The following THOP1 variants were observed in gnomAD, a reference collection of about 807,000 sequenced individuals.
THOP1 encodes thimet oligopeptidase.
A neutral mutation model predicts 71.8 loss-of-function variants in THOP1; 49 were observed. That is an observed-to-expected ratio of 0.68 (90% CI 0.54 to 0.87). The LOEUF is 0.87. Among genes scored for constraint, THOP1 ranks in the 40% least tolerant of loss-of-function variants. THOP1 has a pLI of 0.00. For missense variants in THOP1, 843 were observed against 975.6 expected, an observed-to-expected ratio of 0.86 and a Z score of 1.81; for synonymous variants, 426 against 421.5, an observed-to-expected ratio of 1.01 and a Z score of -0.13.
intron 2 of THOP1, among the ~76,000 whole-genome samples, chr19:2,794,548 A>G (rs979296606): frequency 2.6e-5 from 4 of 152,180 alleles, no homozygotes; most frequent in African/African-American, 7.2e-5. Context: ...AAGATCTCCA[A>G]GGACACAGGC....
At position 2,804,893 on chromosome 19, in the gene THOP1, G is replaced by A; in HGVS notation, c.590-123G>A. The A allele has an allele frequency of 1.0e-6, 1 of 969,456 alleles. No individual in the cohort carries two copies. Among genetic ancestry groups the A allele is most frequent in the Non-Finnish European group, 1.5e-6 (1 of 676,848 alleles). 60.1% of individuals were successfully genotyped at this position (969,456 alleles called of 1,614,324 possible). ...AGCGGGTGGTGGCCAGGCTGCAGCT[G>A]CTCGCTGAGGGCCCCCTTGTAGCTT... On this transcript the variant is annotated intron_variant, in intron 5 of 12. Coordinates refer to ENST00000307741, the MANE Select transcript of THOP1 (RefSeq NM_003249.5). The surrounding 1 kb of genome is among the most constrained non-coding windows in gnomAD (Gnocchi z 4.7).
chr19:2,795,378 G>A lies in THOP1; in HGVS notation c.378+466G>A, dbSNP rs568358068. ...TGGCTGCGTGGGCTCCTGCTCCCCC[G>A]GATGCTCCTCGCAGTATGCAGTGGG... On this transcript the variant is annotated intron_variant, in intron 3 of 12. Transcript: ENST00000307741. 1.9e-4 allele frequency among the ~76,000 whole-genome samples: 29 copies of A among 152,336 alleles called. 1 individual carries two copies. In the East Asian group the frequency reaches 2.3e-3, roughly 12 times the overall value.
Position 2,810,656 on chromosome 19 carries a change from C to T in THOP1, c.1659C>T (p.Arg553=). 6.4e-7 allele frequency: 1 copy of T among 1,556,166 alleles called. No homozygotes were observed. The highest frequency in any genetic ancestry group is 8.7e-7 in the Non-Finnish European group (1 of 1,149,940). Residue 553 remains arginine, a synonymous_variant, in exon 11 of 13, where the codon CGC becomes CGT. Coordinates refer to ENST00000307741, the MANE Select transcript of THOP1 (RefSeq NM_003249.5). Reference sequence around the variant, plus strand: ...CCCGCCCAGGCCTCTTCAACCTGCGCCAGATCGTCCTCGCCAAGGTGGACC... The same window carrying T: ...CCCGCCCAGGCCTCTTCAACCTGCGTCAGATCGTCCTCGCCAAGGTGGACC... ...RQANTGLFNL[R]QIVLAKVDQA...
intron 6 of THOP1, chr19:2,806,692 G>C (rs928640707): frequency 1.5e-6 from 1 of 662,074 alleles, no homozygotes; most frequent in Non-Finnish European, 2.5e-6. Context: ...TCCGTGTGAG[G>C]CCTTAGAGTC....
chr19:2,807,232 G>A (rs922718597), intron 7 of THOP1, among the ~76,000 whole-genome samples, 180 bp downstream of exon 7: 3 of 152,106 alleles, frequency 2.0e-5, no homozygotes, highest in Non-Finnish European at 2.9e-5. Flanking sequence ...GGAAGCGCCC[G>A]GGCCCTGGGG....
chr19:2,803,161 C>CT (rs1228570759), intron 5 of THOP1, among the ~76,000 whole-genome samples: 1 of 152,232 alleles, frequency 6.6e-6, no homozygotes, highest in African/African-American at 2.4e-5. Context: ...GACCTGGCGC[C>CT]TTTGAGTGGA....
rs141574284 is a variant in THOP1 at position 2,807,807 on chromosome 19, C to A, written c.1252C>A (p.Arg418=). Residue 418 remains arginine (R), a splice_region_variant and synonymous_variant, in exon 8 of 13, where the codon CGG becomes AGG. Transcript: ENST00000307741. ...VGKFYLDLYP[R]EGKYGHAACF... ...CAAGTTCTACCTGGACCTGTACCCGCGGTGGGTGAGGGCAGCGGGGGCGGG... is the reference window on the plus strand; with the variant it reads ...CAAGTTCTACCTGGACCTGTACCCGAGGTGGGTGAGGGCAGCGGGGGCGGG... 6.7e-7 allele frequency: 1 copy of A among 1,488,840 alleles called. No homozygotes were observed. Among genetic ancestry groups the A allele is most frequent in the African/African-American group, 1.4e-5 (1 of 71,318 alleles). The allele number at this position is 1,488,840 out of a possible 1,614,324, so 92.2% of individuals were successfully genotyped here. A position where few individuals can be genotyped will look rare whatever the true frequency, so the allele number is the denominator to read the frequency against.
intron 2 of THOP1, 75 bp downstream of exon 2, chr19:2,790,708 C>A: frequency 7.4e-7 from 1 of 1,356,416 alleles, no homozygotes; most frequent in South Asian, 1.6e-5. Flanking sequence ...AGTAGCCCAG[C>A]CCGTGGAGCC....
rs888544085 is a variant in THOP1, at chr19:2,815,373, C to T, written c.*2097C>T. 16 of 152,424 alleles carry T rather than the reference C, an allele frequency of 1.0e-4. No individual in the cohort carries two copies. The highest frequency in any genetic ancestry group is 3.6e-4 in the African/African-American group (15 of 41,450). The allele number at this position is 152,424 out of a possible 1,614,324, so 9.4% of individuals were successfully genotyped here. On this transcript the variant is annotated 3_prime_UTR_variant, in exon 13 of 13. Coordinates refer to ENST00000307741, the MANE Select transcript of THOP1 (RefSeq NM_003249.5). The stretch of plus-strand genomic sequence containing the variant: ...CACACCCCACTCCCCTGGAAGTCAC[C>T]AACTGGGCTTAGTTGCCGGATACCC...
intron 9 of THOP1, chr19:2,809,481 T>C (rs1261539790): frequency 2.0e-5 from 3 of 152,224 alleles, no homozygotes; most frequent in Non-Finnish European, 4.4e-5. Flanking sequence ...GTGCGGCCCT[T>C]CTGAGGACCG....
At position 2,813,138 on chromosome 19, in the gene THOP1, C is replaced by T. The variant is rs758452752; in HGVS notation, c.1932C>T (p.Cys644=). The change falls in exon 13 of 13, where the codon TGC becomes TGT. Residue 644 remains cysteine (C), a synonymous_variant. Coordinates refer to ENST00000307741, the MANE Select transcript of THOP1 (RefSeq NM_003249.5). ...AGGTTGGCATGGATTACAGAAGCTG[C>T]ATCCTGAGACCCGGCGGTTCCGAGG... ...NSKVGMDYRS[C]ILRPGGSEDA... 2.5e-6 allele frequency: 4 copies of T among 1,611,348 alleles called. No homozygotes were observed. Among genetic ancestry groups the T allele is most frequent in the South Asian group, 1.1e-5 (1 of 90,846 alleles).
rs1599525057 is a variant in THOP1, at chr19:2,799,811, G to T, written c.589+20G>T. ...AGCTAGGTAGGGGCCGAGCAGTGGG[G>T]CACGGGTGGCCATCGGTCCTGGGAC... On this transcript the variant is annotated intron_variant, in intron 5 of 12. Coordinates refer to ENST00000307741, the MANE Select transcript of THOP1 (RefSeq NM_003249.5). 2 of 1,603,268 alleles carry T rather than the reference G, an allele frequency of 1.2e-6. No individual in the cohort carries two copies. The highest frequency in any genetic ancestry group is 2.2e-5 in the East Asian group (1 of 44,836).
At chr19:2,800,297 T>C (rs1301753769) in intron 5 of THOP1, among the ~76,000 whole-genome samples, 1 of 152,254 alleles carries the variant, frequency 6.6e-6, no homozygotes, top group Non-Finnish European at 1.5e-5. Flanking sequence ...GTGATTCTCC[T>C]GTCTCAGCCT....
At chr19:2,789,319 T>C (rs1220151580) in intron 1 of THOP1, among the ~76,000 whole-genome samples, 2 of 152,228 alleles carry the variant, frequency 1.3e-5, no homozygotes, top group East Asian at 1.9e-4. Context: ...TTTTGCCACC[T>C]TCTCTGTGCC....
chr19:2,805,009 C>G lies in THOP1; in HGVS notation c.590-7C>G. On this transcript the variant is annotated splice_polypyrimidine_tract_variant and splice_region_variant and intron_variant, in intron 5 of 12. Coordinates refer to ENST00000307741, the MANE Select transcript of THOP1 (RefSeq NM_003249.5). The surrounding 1 kb of genome is among the most constrained non-coding windows in gnomAD (Gnocchi z 6.6). ...CTGTCAAAGCCACCCTGGTTCTGTC[C>G]CCATAGGAGGGCTCCCCGAGGACTT... 1 of 1,609,652 alleles carries G rather than the reference C, an allele frequency of 6.2e-7. No homozygotes were observed. The highest frequency in any genetic ancestry group is 8.5e-7 in the Non-Finnish European group (1 of 1,178,194).
chr19:2,787,364 T>C (rs1229228249), intron 1 of THOP1, among the ~76,000 whole-genome samples: 1 of 152,186 alleles, frequency 6.6e-6, no homozygotes, highest in Non-Finnish European at 1.5e-5. Context: ...AAGGAAGGAA[T>C]GTTGTCTGCC....
chr19:2,812,494 C>G lies in THOP1; in HGVS notation c.1909-621C>G, dbSNP rs73920875. 2.3e-4 allele frequency: 275 copies of G among 1,195,922 alleles called. No homozygotes were observed. The African/African-American group carries it at 3.2e-3, about 14-fold the overall frequency. The allele number at this position is 1,195,922 out of a possible 1,614,324, so 74.1% of individuals were successfully genotyped here. A position where few individuals can be genotyped will look rare whatever the true frequency, so the allele number is the denominator to read the frequency against. Reference sequence around the variant, plus strand: ...TTCACAGCCCAGCAGGGACCTCCCCCCTCCTGAGGCAGCCTCCAGCAGCTC... The same window carrying G: ...TTCACAGCCCAGCAGGGACCTCCCCGCTCCTGAGGCAGCCTCCAGCAGCTC... On this transcript the variant is annotated intron_variant, in intron 12 of 12. Transcript: ENST00000307741.
rs1395839590 is a variant in THOP1, at chr19:2,808,319, G to T, written c.1330G>T (p.Ala444Ser). 3.1e-6 allele frequency: 5 copies of T among 1,589,778 alleles called. No individual in the cohort carries two copies. The highest frequency in any genetic ancestry group is 2.6e-6 in the Non-Finnish European group (3 of 1,168,692). ...GCGGCAGGATGGGAGCCGCCAGATCGCCATCGCGGCCATGGTGGCCAACTT... is the reference window on the plus strand; with the variant it reads ...GCGGCAGGATGGGAGCCGCCAGATCTCCATCGCGGCCATGGTGGCCAACTT... ...CLRQDGSRQI[A>S]IAAMVANFTK... The change falls in exon 9 of 13, where the codon GCC becomes TCC. Residue 444 changes from alanine to serine, a missense_variant. By Grantham distance (99) the Ala-to-Ser change is moderately conservative. Coordinates refer to ENST00000307741, the MANE Select transcript of THOP1 (RefSeq NM_003249.5).
intron 2 of THOP1, among the ~76,000 whole-genome samples, chr19:2,791,897 C>G (rs530395119): frequency 6.6e-6 from 1 of 152,230 alleles, no homozygotes; most frequent in African/African-American, 2.4e-5. Flanking sequence ...CGCCCTGCAC[C>G]GTCTGTGCCT....
Sources: gnomAD v4.1 joint callset for allele counts (sites outside exome capture counted in the v4.1 genomes callset) on GRCh38, gnomAD v4.1.1 for gene constraint, Gnocchi (gnomAD v3.1) non-coding constraint, MANE v1.5 for transcripts, NCBI Gene and HGNC (gene_info 2026-07-23, HGNC 2026-07-21) for gene names.